Variants in FDFT1 observed in about 807,000 individuals in gnomAD.
FDFT1 encodes the protein squalene synthase.
Under a neutral mutation model 46.8 loss-of-function variants are expected in FDFT1, and 68 were observed. That is an observed-to-expected ratio of 1.45 (90% CI 1.19 to 1.78). The LOEUF (loss-of-function observed/expected upper bound fraction) is 1.78, where lower values mean the gene tolerates loss of function less well. Among genes scored for constraint, FDFT1 ranks in the 40% most tolerant of loss-of-function variants. The pLI is 0.00. For synonymous variants in FDFT1, 351 were observed against 185.1 expected, an observed-to-expected ratio of 1.90 and a Z score of -7.28; for missense variants, 928 against 524.4, an observed-to-expected ratio of 1.77 and a Z score of -7.52.
chr8:11,801,916 C>T (rs751612930), upstream of FDFT1: 1 of 452,190 alleles, frequency 2.2e-6, no homozygotes, highest in Non-Finnish European at 4.4e-6. Flanking sequence ...GTCTCGATCT[C>T]TTGACCTCGT....
chr8:11,802,740 C>G (rs560571858), upstream of FDFT1: 458 of 977,620 alleles, frequency 4.7e-4, 4 homozygotes, highest in Admixed American at 1.5e-3. Context: ...GCCAGCCCCT[C>G]GAAGCACCTA....
chr8:11,808,413 C>G, intron 1 of FDFT1: 2 of 1,255,020 alleles, frequency 1.6e-6, no homozygotes, highest in South Asian at 3.5e-5. Flanking sequence ...TGGGTCGGCC[C>G]AGCGCGTATT....
At position 11,821,779 on chromosome 8, in the gene FDFT1, G is replaced by A; in HGVS notation, c.411G>A (p.Glu137=). 1.2e-6 allele frequency: 2 copies of A among 1,613,596 alleles called. No homozygotes were observed. The highest frequency in any genetic ancestry group is 1.7e-6 in the Non-Finnish European group (2 of 1,179,656). Residue 137 remains glutamate, a synonymous_variant, in exon 4 of 8, where the codon GAG becomes GAA. Transcript: ENST00000220584. ...TISLEFRNLA[E]KYQTVIADIC... ...CCCTTGAGTTTAGAAATCTGGCTGA[G>A]AAATACCAAACAGTGATTGCCGACA...
upstream of FDFT1, among the ~76,000 whole-genome samples, chr8:11,800,729 A>G (rs1021712670): frequency 1.3e-5 from 2 of 152,268 alleles, no homozygotes; most frequent in African/African-American, 4.8e-5. Flanking sequence ...ATATTTAAGA[A>G]TGTTAGCACA....
At chr8:11,827,118 T>A (rs190616079) in intron 5 of FDFT1, among the ~76,000 whole-genome samples, 51 of 152,302 alleles carry the variant, frequency 3.3e-4, no homozygotes, top group African/African-American at 1.0e-3. Context: ...CTGAATTTAT[T>A]CCAGCATTTA....
chr8:11,803,180 G>C (rs2130665024), intron 1 of FDFT1: 1 of 1,418,352 alleles, frequency 7.1e-7, no homozygotes, highest in East Asian at 2.8e-5. Context: ...GTTCCCGGTG[G>C]TTGCGCTCCC....
intron 3 of FDFT1, among the ~76,000 whole-genome samples, chr8:11,814,103 T>C (rs1808111357): frequency 6.6e-6 from 1 of 152,220 alleles, no homozygotes; most frequent in Non-Finnish European, 1.5e-5. Context: ...TCCTCTCTAA[T>C]AAATAGAACT....
At chr8:11,811,121 A>T (rs1192908186) in intron 3 of FDFT1, among the ~76,000 whole-genome samples, 1 of 152,116 alleles carries the variant, frequency 6.6e-6, no homozygotes, top group African/African-American at 2.4e-5. Flanking sequence ...GAAGAAAGAA[A>T]ATTTATGACG....
At chr8:11,798,923 A>AT (rs775028838), upstream of FDFT1, among the ~76,000 whole-genome samples, 6 of 152,228 alleles carry the variant, frequency 3.9e-5, no homozygotes, top group Non-Finnish European at 8.8e-5. Flanking sequence ...GGGTTACAGC[A>AT]TGCTTCCAGC....
intron 7 of FDFT1, among the ~76,000 whole-genome samples, chr8:11,837,609 A>ATGGG (rs1811721742): frequency 6.6e-6 from 1 of 152,114 alleles, no homozygotes; most frequent in Non-Finnish European, 1.5e-5. Context: ...GGTCTGGACC[A>ATGGG]TGGGTGGCCT....
chr8:11,805,090 A>AT (rs34808795), intron 1 of FDFT1, among the ~76,000 whole-genome samples: 104,150 of 150,986 alleles, frequency 0.69, 36,254 homozygotes, highest in South Asian at 0.78. Flanking sequence ...TAATTTTTAA[A>AT]TTTTTTTGTA....
intron 3 of FDFT1, among the ~76,000 whole-genome samples, chr8:11,811,440 G>C (rs1325299745): frequency 6.6e-6 from 1 of 152,198 alleles, no homozygotes. Flanking sequence ...AAATGTGTTA[G>C]GTATTGCTAA....
At position 11,809,761 on chromosome 8, in the gene FDFT1, C is replaced by G; in HGVS notation, c.292C>G (p.His98Asp). 1.2e-6 allele frequency: 2 copies of G among 1,614,084 alleles called. No individual in the cohort carries two copies. The highest frequency in any genetic ancestry group is 2.2e-5 in the East Asian group (1 of 44,874). Reference sequence around the variant, plus strand: ...TGTGGAAAAGAAGGTCCCGCTGTTACACAACTTTCACTCTTTCCTTTACCA... The same window carrying G: ...TGTGGAAAAGAAGGTCCCGCTGTTAGACAACTTTCACTCTTTCCTTTACCA... ...ISVEKKVPLL[H>D]NFHSFLYQPD... Residue 98 changes from histidine to aspartate, a missense_variant, in exon 3 of 8, where the codon CAC becomes GAC. Physicochemically the swap from His to Asp is moderately conservative, Grantham distance 81. Transcript: ENST00000220584.
chr8:11,803,342 T>C (rs1806386233), intron 1 of FDFT1: 1 of 1,291,782 alleles, frequency 7.7e-7, no homozygotes, highest in Non-Finnish European at 1.0e-6. Flanking sequence ...ATGAAGGCCG[T>C]TTCTGGAATG....
At chr8:11,834,589 C>G (rs1421498465) in intron 7 of FDFT1, among the ~76,000 whole-genome samples, 1 of 152,170 alleles carries the variant, frequency 6.6e-6, no homozygotes, top group Non-Finnish European at 1.5e-5. Context: ...AGCCCCCACC[C>G]AAACGTATCG....
upstream of FDFT1, chr8:11,802,399 A>C (rs576843007): frequency 1.1e-5 from 5 of 456,790 alleles, no homozygotes; most frequent in Admixed American, 9.4e-5. Flanking sequence ...GCTCCTGCGC[A>C]TCCTAAGCCC....
At chr8:11,819,056 A>G (rs1808858226) in intron 3 of FDFT1, among the ~76,000 whole-genome samples, 1 of 152,196 alleles carries the variant, frequency 6.6e-6, no homozygotes, top group Non-Finnish European at 1.5e-5. Context: ...TGGTGGTGAC[A>G]AAATCTCTGA....
At chr8:11,809,437 G>C in intron 2 of FDFT1, 1 of 1,263,370 alleles carries the variant, frequency 7.9e-7, no homozygotes, top group Non-Finnish European at 9.9e-7. Flanking sequence ...GGGAGTAGTG[G>C]TGACATTCAA....
At position 11,795,975 on chromosome 8, in the gene FDFT1, C is replaced by G. The variant is rs539561157; in HGVS notation, c.-130C>G. Reference sequence around the variant, plus strand: ...TGAAGTCAGTGAGACCAAGAACCAACCAATTCCGGACACACTTGGACTCGA... The same window carrying G: ...TGAAGTCAGTGAGACCAAGAACCAAGCAATTCCGGACACACTTGGACTCGA... On this transcript the variant is annotated 5_prime_UTR_variant, in exon 1 of 8. Transcript: ENST00000538689. 4 of 152,376 alleles carry G rather than the reference C, an allele frequency of 2.6e-5. No homozygotes were observed. The East Asian group carries it at 7.7e-4, about 29-fold the overall frequency. The allele number at this position is 152,376 out of a possible 1,614,324, so 9.4% of individuals were successfully genotyped here. A position where few individuals can be genotyped will look rare whatever the true frequency, so the allele number is the denominator to read the frequency against.
Sources: allele counts gnomAD v4.1 joint callset (sites outside exome capture counted in the v4.1 genomes callset), GRCh38; gene constraint gnomAD v4.1.1; transcripts MANE v1.5; gene names NCBI Gene and HGNC (gene_info 2026-07-23, HGNC 2026-07-21).